Variants in PTPRM observed in about 807,000 individuals in gnomAD.
PTPRM encodes receptor-type tyrosine-protein phosphatase mu.
In PTPRM, 47 loss-of-function variants were observed where a neutral mutation model predicts 186.7. That is an observed-to-expected ratio of 0.25 (90% CI 0.20 to 0.32). The LOEUF is 0.32. Among genes scored for constraint, PTPRM ranks in the 10% least tolerant of loss-of-function variants. The probability of loss-of-function intolerance (pLI) is 1.00; values close to 1 mark genes in which losing one functional copy is unlikely to be tolerated. For missense variants in PTPRM, 1,494 were observed against 1,865.0 expected (o/e 0.80, Z 3.66); for synonymous variants, 668 against 674.9 (o/e 0.99, Z 0.16).
chr18:8,099,081 T>C (rs556442581), intron 11 of PTPRM, among the ~76,000 whole-genome samples: 18 of 152,248 alleles, frequency 1.2e-4, no homozygotes, highest in Admixed American at 1.1e-3. Flanking sequence ...GAATCTTCTC[T>C]CTTTTATCTT....
chr18:8,380,406 A>G lies in PTPRM; in HGVS notation c.3897A>G (p.Leu1299=), dbSNP rs2095725487. The G allele has an allele frequency of 6.2e-7, 1 of 1,614,224 alleles. No homozygotes were observed. Among genetic ancestry groups the G allele is most frequent in the Non-Finnish European group, 8.5e-7 (1 of 1,180,030 alleles). Residue 1299 remains leucine, a synonymous_variant, in exon 29 of 33, where the codon CTA becomes CTG. Transcript: ENST00000580170. ...ATCACTGCACATCCGTAGTTATGCT[A>G]AATGATGTGGATCCTGCCCAGGTGA... is the stretch of plus-strand genomic sequence containing the variant. ...LDYHCTSVVM[L]NDVDPAQLCP... is the part of the protein sequence containing the mutation.
intron 2 of PTPRM, 84 bp from the exon 3 acceptor site, chr18:7,888,022 A>C: frequency 6.6e-7 from 1 of 1,524,568 alleles, no homozygotes; most frequent in Non-Finnish European, 9.1e-7. Context: ...TGCAGTGCCA[A>C]CCCATGTAAA....
chr18:8,174,641 C>T (rs2093454652), intron 14 of PTPRM, among the ~76,000 whole-genome samples: 1 of 152,102 alleles, frequency 6.6e-6, no homozygotes. Context: ...TTTGCTGTCT[C>T]TTATTAAAAT....
intron 4 of PTPRM, among the ~76,000 whole-genome samples, chr18:7,924,056 C>G (rs1306785942): frequency 6.6e-6 from 1 of 152,176 alleles, no homozygotes. Context: ...TTGGAGCAAA[C>G]TATAAACTCA....
chr18:7,956,465 A>G (rs1278797711), intron 7 of PTPRM, among the ~76,000 whole-genome samples: 2 of 152,214 alleles, frequency 1.3e-5, no homozygotes, highest in African/African-American at 2.4e-5. Context: ...CTTTTGTTAG[A>G]AAAGGGAACA....
At chr18:7,594,460 A>C (rs2037204091) in intron 1 of PTPRM, among the ~76,000 whole-genome samples, 1 of 152,096 alleles carries the variant, frequency 6.6e-6, no homozygotes, top group African/African-American at 2.4e-5. Context: ...AGCCCAGGCG[A>C]CAGAACGAGA....
At chr18:8,236,101 G>A (rs1436237276) in intron 14 of PTPRM, among the ~76,000 whole-genome samples, 1 of 152,136 alleles carries the variant, frequency 6.6e-6, no homozygotes, top group Non-Finnish European at 1.5e-5. Flanking sequence ...GATTGATGGT[G>A]CTCTTGAATT....
intron 3 of PTPRM, among the ~76,000 whole-genome samples, chr18:7,895,177 A>G (rs1279235973): frequency 4.0e-5 from 6 of 151,756 alleles, no homozygotes; most frequent in African/African-American, 1.2e-4. Flanking sequence ...CACTTTCCTA[A>G]TTACAGCGGG....
intron 7 of PTPRM, among the ~76,000 whole-genome samples, chr18:8,050,630 C>T (rs2087422426): frequency 6.6e-6 from 1 of 152,234 alleles, no homozygotes; most frequent in Admixed American, 6.5e-5. Context: ...TTTCAGTGTG[C>T]ACAGCATATA....
intron 7 of PTPRM, among the ~76,000 whole-genome samples, chr18:8,051,163 TA>T (rs1413818634): frequency 6.6e-5 from 10 of 152,308 alleles, no homozygotes; most frequent in African/African-American, 2.2e-4. Context: ...TTGCTTCCTG[TA>T]AGTTAAGTTT....
intron 2 of PTPRM, among the ~76,000 whole-genome samples, chr18:7,842,794 A>C (rs2046386362): frequency 6.7e-6 from 1 of 148,408 alleles, no homozygotes; most frequent in East Asian, 2.0e-4. Context: ...CTTTCTGTAC[A>C]TATGTTTATG....
intron 3 of PTPRM, among the ~76,000 whole-genome samples, chr18:7,905,926 GTTGTC>G (rs1036356649): frequency 6.6e-6 from 1 of 152,116 alleles, no homozygotes; most frequent in African/African-American, 2.4e-5. Flanking sequence ...GAATCTTAAC[GTTGTC>G]TCTTGAGGGA....
At chr18:7,736,072 G>T (rs1169970472) in intron 1 of PTPRM, among the ~76,000 whole-genome samples, 1 of 152,092 alleles carries the variant, frequency 6.6e-6, no homozygotes, top group Non-Finnish European at 1.5e-5. Context: ...ACCTCCGAAG[G>T]CTGTGTCACA....
intron 9 of PTPRM, among the ~76,000 whole-genome samples, chr18:8,078,577 T>C (rs1287045927): frequency 6.6e-6 from 1 of 152,202 alleles, no homozygotes; most frequent in Non-Finnish European, 1.5e-5. Flanking sequence ...AGGATAATTT[T>C]TGAAGGAAAG....
chr18:8,201,359 C>A (rs1165602995), intron 14 of PTPRM, among the ~76,000 whole-genome samples: 1 of 152,146 alleles, frequency 6.6e-6, no homozygotes, highest in African/African-American at 2.4e-5. Flanking sequence ...ATATAATCTT[C>A]GGTTTTACAT....
intron 1 of PTPRM, among the ~76,000 whole-genome samples, chr18:7,756,186 A>T (rs370102542): frequency 3.3e-5 from 5 of 152,076 alleles, no homozygotes. Context: ...TGTTTTCTTG[A>T]TGGTTCCTTG....
At chr18:7,625,991 C>T (rs977219921) in intron 1 of PTPRM, among the ~76,000 whole-genome samples, 5 of 152,200 alleles carry the variant, frequency 3.3e-5, no homozygotes, top group African/African-American at 1.2e-4. Context: ...ACAGCCGTTT[C>T]AGCCTCTCAG....
At position 8,143,633 on chromosome 18, in the gene PTPRM, C is replaced by T. The variant is rs1300721144; in HGVS notation, c.2168-14C>T. On this transcript the variant is annotated splice_polypyrimidine_tract_variant and intron_variant, in intron 13 of 32. Coordinates refer to ENST00000580170, the MANE Select transcript of PTPRM (RefSeq NM_001105244.2). ...ACCTACAGTCTCTCCTTTTTCATTT[C>T]CTTTCATCTTCAGGAGCTGCCACTC... The T allele has an allele frequency of 7.0e-6, 11 of 1,575,638 alleles. No homozygotes were observed. The highest frequency in any genetic ancestry group is 5.4e-5 in the African/African-American group (4 of 73,630).
intron 13 of PTPRM, among the ~76,000 whole-genome samples, chr18:8,129,408 G>C (rs2092448920): frequency 6.6e-6 from 1 of 152,172 alleles, no homozygotes; most frequent in Admixed American, 6.5e-5. Flanking sequence ...TGGCTGTACT[G>C]TTGATAGATA....
Sources: allele counts gnomAD v4.1 joint callset (sites outside exome capture counted in the v4.1 genomes callset), GRCh38; gene constraint gnomAD v4.1.1; transcripts MANE v1.5; gene names NCBI Gene and HGNC (gene_info 2026-07-23, HGNC 2026-07-21).